The following RBFOX3 variants were observed in gnomAD, a reference collection of about 807,000 sequenced individuals.
The protein encoded by RBFOX3 is RNA binding fox-1 homolog 3.
In RBFOX3, 17 loss-of-function variants were observed where a neutral mutation model predicts 48.7. That is an observed-to-expected ratio of 0.35 (90% CI 0.24 to 0.52). RBFOX3 has a LOEUF of 0.52. RBFOX3 is among the 20% of genes least tolerant of loss of function. RBFOX3 has a pLI of 0.94. For missense variants in RBFOX3, 382 were observed against 497.5 expected (o/e 0.77, Z 2.21); for synonymous variants, 212 against 209.5 (o/e 1.01, Z -0.10).
At chr17:79,118,422 A>T (rs1341276633) in intron 4 of RBFOX3, among the ~76,000 whole-genome samples, 1 of 151,902 alleles carries the variant, frequency 6.6e-6, no homozygotes, top group Non-Finnish European at 1.5e-5. Flanking sequence ...GTCCAGTGGG[A>T]AGGGGTGGAT....
intron 1 of RBFOX3, among the ~76,000 whole-genome samples, chr17:79,550,003 G>A (rs1384443119): frequency 6.6e-6 from 1 of 152,076 alleles, no homozygotes; most frequent in Admixed American, 6.5e-5. Flanking sequence ...CAGCCGTGCC[G>A]GGCACCATCC....
intron 2 of RBFOX3, among the ~76,000 whole-genome samples, chr17:79,370,482 G>A (rs1003580536): frequency 5.9e-5 from 9 of 151,538 alleles, no homozygotes; most frequent in Admixed American, 4.6e-4. Flanking sequence ...ACTCACACAC[G>A]TGCTCACTCA....
At chr17:79,615,486 A>G (rs998606360), upstream of RBFOX3, among the ~76,000 whole-genome samples, 4 of 152,280 alleles carry the variant, frequency 2.6e-5, no homozygotes, top group East Asian at 7.7e-4. Context: ...AGATGAGAGC[A>G]GGGTGGTGGC....
chr17:79,528,431 G>A (rs2150057221), intron 1 of RBFOX3, among the ~76,000 whole-genome samples: 1 of 151,680 alleles, frequency 6.6e-6, no homozygotes, highest in Non-Finnish European at 1.5e-5. Context: ...GTACCTCTGA[G>A]GAGGATCTTA....
intron 4 of RBFOX3, among the ~76,000 whole-genome samples, chr17:79,165,811 C>T (rs1018070604): frequency 2.2e-4 from 33 of 152,174 alleles, no homozygotes; most frequent in Non-Finnish European, 3.5e-4. Context: ...TTGGGGGTCC[C>T]GTGCCTACCT....
At chr17:79,554,824 T>G (rs1012170239) in intron 1 of RBFOX3, among the ~76,000 whole-genome samples, 60 of 152,378 alleles carry the variant, frequency 3.9e-4, no homozygotes, top group African/African-American at 1.4e-3. Context: ...ATAACTTTTT[T>G]AATCCTCAGA....
chr17:79,166,748 G>C (rs553295503), intron 4 of RBFOX3, among the ~76,000 whole-genome samples: 10 of 152,306 alleles, frequency 6.6e-5, no homozygotes, highest in Admixed American at 2.0e-4. Flanking sequence ...GTCAGAGTGC[G>C]GATGCCAGGC....
intron 4 of RBFOX3, among the ~76,000 whole-genome samples, chr17:79,153,454 A>C (rs1308910259): frequency 6.6e-6 from 1 of 152,160 alleles, no homozygotes; most frequent in East Asian, 1.9e-4. Context: ...GAGCCCAGCT[A>C]AGCCTCGGTG....
intron 4 of RBFOX3, among the ~76,000 whole-genome samples, chr17:79,144,585 C>T (rs72855071): frequency 0.2 from 29,778 of 152,126 alleles, 3,186 homozygotes; most frequent in Middle Eastern, 0.25. Context: ...GCTCATGCCG[C>T]AGACCTGAAG....
At chr17:79,492,329 C>T (rs1476420261) in intron 1 of RBFOX3, among the ~76,000 whole-genome samples, 5 of 152,204 alleles carry the variant, frequency 3.3e-5, no homozygotes, top group Non-Finnish European at 5.9e-5. Flanking sequence ...CCTGTCATAC[C>T]AGCACTGGTC....
intron 5 of RBFOX3, among the ~76,000 whole-genome samples, chr17:79,114,626 C>A (rs113224634): frequency 0.013 from 1,907 of 152,320 alleles, 35 homozygotes; most frequent in African/African-American, 0.043. Context: ...TGGGAGCCGC[C>A]GGGGCGGTGC....
chr17:79,621,074 C>T, the RBFOX3 span, among the ~76,000 whole-genome samples: 10 of 151,234 alleles, frequency 6.6e-5, no homozygotes, highest in Non-Finnish European at 4.4e-5. Flanking sequence ...TCTCAGCTCA[C>T]TGCAAGCTCC....
At chr17:79,489,240 TAAAA>T (rs71161671) in intron 1 of RBFOX3, among the ~76,000 whole-genome samples, 95 of 126,462 alleles carry the variant, frequency 7.5e-4, no homozygotes, top group East Asian at 1.4e-3. Context: ...GCCAGAAAGT[TAAAA>T]AAAAAAAAAA....
chr17:79,245,847 G>A (rs1285671962), intron 3 of RBFOX3, among the ~76,000 whole-genome samples: 6 of 151,904 alleles, frequency 3.9e-5, no homozygotes, highest in Non-Finnish European at 5.9e-5. Flanking sequence ...GGCTGGTCTC[G>A]AACTTCTGAG....
In RBFOX3 at chr17:79,291,002, C is replaced by T. The variant is rs148846224; in HGVS notation, c.-74+16722G>A. On this transcript the variant is annotated intron_variant, in intron 3 of 14. Transcript: ENST00000693108. ...TTTCTGGAAGGATTAGCTTGCCTAA[C>T]CTCTCCCAGTGCTTCCCACCCCTCT... is the stretch of plus-strand genomic sequence containing the variant. Among the ~76,000 whole-genome samples the T allele has an allele frequency of 3.3e-3, 498 of 152,296 alleles. 1 individual carries two copies. Among genetic ancestry groups the T allele is most frequent in the Non-Finnish European group, 5.1e-3 (346 of 68,032 alleles).
Position 79,443,314 on chromosome 17 carries a change from C to T in RBFOX3, c.-175+39140G>A, listed in dbSNP as rs2071540441. On this transcript the variant is annotated intron_variant, in intron 2 of 14. Transcript: ENST00000693108. This position sits in a 1 kb window ranked among gnomAD's most constrained non-coding sequence, Gnocchi z 4.4. ...CGGGGGAGACCAGGCCAAGGCCTTG[C>T]CAAACACACACTCACATAAATGCAG... 6.6e-6 allele frequency among the ~76,000 whole-genome samples: 1 copy of T among 152,248 alleles called. No homozygotes were observed. Among genetic ancestry groups the T allele is most frequent in the Non-Finnish European group, 1.5e-5 (1 of 68,044 alleles).
chr17:79,531,647 C>T (rs1350009977), intron 1 of RBFOX3, among the ~76,000 whole-genome samples: 1 of 152,098 alleles, frequency 6.6e-6, no homozygotes, highest in African/African-American at 2.4e-5. Flanking sequence ...CAGCCTTGGC[C>T]GCCTCCCAAG....
intron 1 of RBFOX3, among the ~76,000 whole-genome samples, chr17:79,592,365 G>A (rs1394333513): frequency 7.9e-5 from 12 of 151,570 alleles, no homozygotes; most frequent in Admixed American, 7.9e-4. Context: ...GAGTGCATGT[G>A]TGTGGTGTGT....
chr17:79,484,525 CCTGGGTGCAGGGGCCTGGGTGCAGGGGG>C (rs2079255172), intron 1 of RBFOX3, among the ~76,000 whole-genome samples: 1 of 36,388 alleles, frequency 2.7e-5, no homozygotes, highest in Non-Finnish European at 6.6e-5. Flanking sequence ...GTGCAGGGGG[CCTGGGTGCAGGGGCCTGGGTGCAGGGGG>C]CCTGGGTGCA....
Sources: gnomAD v4.1 joint callset for allele counts (sites outside exome capture counted in the v4.1 genomes callset) on GRCh38, gnomAD v4.1.1 for gene constraint, Gnocchi (gnomAD v3.1) non-coding constraint, MANE v1.5 for transcripts, NCBI Gene and HGNC (gene_info 2026-07-23, HGNC 2026-07-21) for gene names.